Variants in FRAS1 observed in about 807,000 individuals in gnomAD.
FRAS1 encodes the protein extracellular matrix organizing protein FRAS1.
In FRAS1, 290 loss-of-function variants were observed where a neutral mutation model predicts 435.2. The observed-to-expected ratio is 0.67, with a 90% CI of 0.61 to 0.73. The LOEUF (loss-of-function observed/expected upper bound fraction) is 0.73. Ranked by LOEUF, FRAS1 falls within the 30% of genes least tolerant of loss-of-function variation. The probability of loss-of-function intolerance (pLI) is 0.00; values close to 1 mark genes in which losing one functional copy is unlikely to be tolerated. For synonymous variants in FRAS1, 1,800 were observed against 1,851.0 expected (o/e 0.97, Z 0.71); for missense variants, 4,860 against 5,001.5 (o/e 0.97, Z 0.85).
chr4:78,498,872 G>T (rs1372040707), intron 60 of FRAS1, among the ~76,000 whole-genome samples: 1 of 69,036 alleles, frequency 1.4e-5, no homozygotes, highest in South Asian at 4.8e-4. Flanking sequence ...ATTTGAGATG[G>T]AGTTTTGCTT....
At chr4:78,074,636 G>C (rs943973041) in intron 2 of FRAS1, among the ~76,000 whole-genome samples, 2 of 152,148 alleles carry the variant, frequency 1.3e-5, no homozygotes, top group Non-Finnish European at 1.5e-5. Flanking sequence ...CCCTTTCCTA[G>C]TTGTGAGCGA....
intron 2 of FRAS1, among the ~76,000 whole-genome samples, chr4:78,117,647 A>G (rs1480335087): frequency 6.6e-6 from 1 of 152,126 alleles, no homozygotes; most frequent in East Asian, 1.9e-4. Flanking sequence ...TGCATTCATC[A>G]TGTAGTTCTC....
At chr4:78,263,439 C>T (rs1233500252) in intron 6 of FRAS1, among the ~76,000 whole-genome samples, 1 of 152,192 alleles carries the variant, frequency 6.6e-6, no homozygotes, top group African/African-American at 2.4e-5. Context: ...TCCCTGCATA[C>T]GCTCACGGGG....
chr4:78,154,695 A>G (rs1720809073), intron 2 of FRAS1, among the ~76,000 whole-genome samples: 1 of 152,222 alleles, frequency 6.6e-6, no homozygotes, highest in African/African-American at 2.4e-5. Context: ...CCACAAAACT[A>G]AGAAAATCCA....
Position 78,058,080 on chromosome 4 carries a change from C to A in FRAS1, c.71C>A (p.Ser24Tyr), listed in dbSNP as rs794726952. Residue 24 changes from serine (S) to tyrosine (Y), a missense_variant, in exon 1 of 74, where the codon TCC becomes TAC. Coordinates refer to ENST00000512123, the MANE Select transcript of FRAS1 (RefSeq NM_025074.7). Reference sequence around the variant, plus strand: ...GAATTTGCAGTATTGCCTCATCATTCCGAAGGTGAGAGAGCGGTGCCGCGT... The same window carrying A: ...GAATTTGCAGTATTGCCTCATCATTACGAAGGTGAGAGAGCGGTGCCGCGT... ...LAEFAVLPHH[S>Y]EGACVYQDSL... The A allele has an allele frequency of 6.2e-7, 1 of 1,613,008 alleles. No homozygotes were observed. Among genetic ancestry groups the A allele is most frequent in the South Asian group, 1.1e-5 (1 of 91,042 alleles).
At chr4:78,424,536 T>G in intron 35 of FRAS1, 116 bp downstream of exon 35, 1 of 473,040 alleles carries the variant, frequency 2.1e-6, no homozygotes, top group Non-Finnish European at 3.7e-6. Context: ...ACTTAAAAAT[T>G]ATATAATTTT....
intron 22 of FRAS1, among the ~76,000 whole-genome samples, chr4:78,365,487 G>A (rs915447131): frequency 6.6e-6 from 1 of 151,866 alleles, no homozygotes; most frequent in Non-Finnish European, 1.5e-5. Flanking sequence ...AAGTTCAAAA[G>A]AAAAAATAGA....
chr4:78,509,548 A>G (rs138174345), intron 63 of FRAS1, among the ~76,000 whole-genome samples: 227 of 152,354 alleles, frequency 1.5e-3, no homozygotes, highest in African/African-American at 5.3e-3. Flanking sequence ...GTTATTAAAT[A>G]AAAGAATAGA....
intron 14 of FRAS1, among the ~76,000 whole-genome samples, chr4:78,292,268 A>G (rs921427356): frequency 6.6e-6 from 1 of 152,232 alleles, no homozygotes; most frequent in Non-Finnish European, 1.5e-5. Flanking sequence ...TGTATTCTTT[A>G]TAGCAAATTA....
intron 37 of FRAS1, among the ~76,000 whole-genome samples, chr4:78,431,534 A>G (rs1296449459): frequency 1.3e-5 from 2 of 152,214 alleles, no homozygotes; most frequent in African/African-American, 4.8e-5. Context: ...ATCTCAATAC[A>G]TAGCACTAGT....
intron 28 of FRAS1, 24 bp from the exon 29 acceptor site, chr4:78,387,351 C>T (rs757250431): frequency 1.9e-6 from 3 of 1,554,548 alleles, no homozygotes; most frequent in Non-Finnish European, 2.6e-6. Flanking sequence ...TCTTAACTGA[C>T]TCTTCTTCCC....
At chr4:78,522,885 C>T in intron 69 of FRAS1, 77 bp downstream of exon 69, 7 of 1,276,884 alleles carry the variant, frequency 5.5e-6, no homozygotes, top group Non-Finnish European at 6.4e-6. Context: ...GGAAATAGTG[C>T]TTTCCTCTGA....
At chr4:78,340,025 A>G (rs556964335) in intron 20 of FRAS1, among the ~76,000 whole-genome samples, 5 of 152,342 alleles carry the variant, frequency 3.3e-5, no homozygotes, top group African/African-American at 1.2e-4. Context: ...TTTAAAAAAT[A>G]CATGTTTATA....
intron 2 of FRAS1, among the ~76,000 whole-genome samples, chr4:78,212,970 T>C (rs1456782447): frequency 1.3e-5 from 2 of 152,176 alleles, no homozygotes; most frequent in Non-Finnish European, 2.9e-5. Flanking sequence ...GTTGGGACGG[T>C]GATTCCTAGT....
chr4:78,420,918 A>ATATATT (rs1167974462), intron 33 of FRAS1, among the ~76,000 whole-genome samples: 11 of 118,904 alleles, frequency 9.3e-5, no homozygotes, highest in African/African-American at 3.6e-4. Flanking sequence ...ATATATATAT[A>ATATATT]TATTTATATA....
At chr4:78,123,813 T>C (rs1452559642) in intron 2 of FRAS1, among the ~76,000 whole-genome samples, 2 of 152,214 alleles carry the variant, frequency 1.3e-5, no homozygotes, top group Admixed American at 6.5e-5. Flanking sequence ...CTTGTGATTT[T>C]TGCACACTGA....
At chr4:78,138,565 G>A (rs938966928) in intron 2 of FRAS1, among the ~76,000 whole-genome samples, 2 of 152,124 alleles carry the variant, frequency 1.3e-5, no homozygotes, top group African/African-American at 4.8e-5. Flanking sequence ...GCCTTGATAA[G>A]AAGATCACAA....
At chr4:78,123,499 T>C (rs1208912363) in intron 2 of FRAS1, among the ~76,000 whole-genome samples, 3 of 152,194 alleles carry the variant, frequency 2.0e-5, no homozygotes, top group Non-Finnish European at 4.4e-5. Flanking sequence ...AGTAGTTTTT[T>C]CCAGTTCTGT....
chr4:78,253,608 C>T (rs1025142487), intron 5 of FRAS1, among the ~76,000 whole-genome samples: 4 of 152,134 alleles, frequency 2.6e-5, no homozygotes, highest in South Asian at 2.1e-4. Flanking sequence ...CTTTCTTGCT[C>T]AGTGTGGCTC....
Sources: gnomAD v4.1 joint callset for allele counts (sites outside exome capture counted in the v4.1 genomes callset) on GRCh38, gnomAD v4.1.1 for gene constraint, MANE v1.5 for transcripts, NCBI Gene and HGNC (gene_info 2026-07-23, HGNC 2026-07-21) for gene names.